The following SNTB2 variants were observed in gnomAD, a reference collection of about 807,000 sequenced individuals.
SNTB2 encodes beta-2-syntrophin.
A neutral mutation model predicts 46.2 loss-of-function variants in SNTB2; 34 were observed. That is an observed-to-expected ratio of 0.74 (90% CI 0.56 to 0.98). SNTB2 has a LOEUF of 0.98. Ranked by LOEUF, SNTB2 falls within the 50% of genes least tolerant of loss-of-function variation. SNTB2 has a pLI of 0.00. For synonymous variants in SNTB2, 290 were observed against 312.6 expected (o/e 0.93, Z 0.76); for missense variants, 603 against 731.4 (o/e 0.82, Z 2.02).
intron 1 of SNTB2, among the ~76,000 whole-genome samples, chr16:69,232,540 T>C (rs1470113922): frequency 1.1e-4 from 12 of 107,964 alleles, no homozygotes; most frequent in Non-Finnish European, 2.0e-4. Context: ...GGAGACGGAG[T>C]CTCGCTCTGT....
At chr16:69,200,946 T>C (rs192725292) in intron 1 of SNTB2, among the ~76,000 whole-genome samples, 39 of 152,382 alleles carry the variant, frequency 2.6e-4, no homozygotes, top group Admixed American at 4.6e-4. Context: ...AGAAGACTGC[T>C]CTGTAACTTT....
At position 69,187,207 on chromosome 16, in the gene SNTB2, C is replaced by A. The variant is rs576544227; in HGVS notation, c.41C>A (p.Pro14Gln). Residue 14 changes from proline (P) to glutamine (Q), a missense_variant, in exon 1 of 7, where the codon CCG becomes CAG. By Grantham distance (76) the Pro-to-Gln change is moderately conservative. Transcript: ENST00000336278. ...GCGACTGCGGCGGCTGGAGCGGGGC[C>A]GGCCATGGCGGTGTGGACGCGGGCC... ...AAATAAAGAG[P>Q]AMAVWTRATK... 5 of 1,407,208 alleles carry A rather than the reference C, an allele frequency of 3.6e-6. No individual in the cohort carries two copies. The African/African-American group carries it at 4.4e-5, about 12-fold the overall frequency. The allele number at this position is 1,407,208 out of a possible 1,614,324, so 87.2% of individuals were successfully genotyped here. A position where few individuals can be genotyped will look rare whatever the true frequency, so the allele number is the denominator to read the frequency against.
At chr16:69,295,242 T>C (rs1431600375) in intron 5 of SNTB2, among the ~76,000 whole-genome samples, 5 of 135,276 alleles carry the variant, frequency 3.7e-5, no homozygotes, top group Non-Finnish European at 8.0e-5. Context: ...TTTTTTTTTT[T>C]TTTTTTTTTT....
At chr16:69,282,052 C>T (rs1370948967) in intron 4 of SNTB2, among the ~76,000 whole-genome samples, 1 of 149,814 alleles carries the variant, frequency 6.7e-6, no homozygotes, top group Admixed American at 6.6e-5. Flanking sequence ...ATTACAGGCG[C>T]CCACCACCAT....
In SNTB2 at chr16:69,237,754, C is replaced by A. The variant is rs930809933; in HGVS notation, c.581-7848C>A. On this transcript the variant is annotated intron_variant, in intron 1 of 6. Transcript: ENST00000336278. ...AGTAGCTGGGATTACAGGCATGTGC[C>A]ACCATGCCTGGCTAATTTTGTATTT... Among the ~76,000 whole-genome samples, 11 of 152,120 alleles carry A rather than the reference C, an allele frequency of 7.2e-5. No individual in the cohort carries two copies. In the East Asian group the frequency reaches 7.7e-4, roughly 11 times the overall value.
intron 4 of SNTB2, among the ~76,000 whole-genome samples, chr16:69,281,129 G>C (rs745981950): frequency 1.3e-5 from 2 of 152,000 alleles, no homozygotes; most frequent in East Asian, 3.9e-4. Flanking sequence ...CAGATCAGAA[G>C]TTTTTAATTT....
intron 1 of SNTB2, among the ~76,000 whole-genome samples, chr16:69,242,144 C>CA (rs1224024857): frequency 1.1e-4 from 16 of 152,014 alleles, no homozygotes; most frequent in Non-Finnish European, 2.1e-4. Flanking sequence ...GTTTGAGCAA[C>CA]AGGCTGGGTG....
intron 5 of SNTB2, among the ~76,000 whole-genome samples, chr16:69,291,774 T>A (rs1167865203): frequency 6.6e-6 from 1 of 151,996 alleles, no homozygotes; most frequent in East Asian, 1.9e-4. Context: ...CGCGTCTCTA[T>A]GAAAAATTTT....
At chr16:69,292,410 TA>T (rs1965177806) in intron 5 of SNTB2, among the ~76,000 whole-genome samples, 2 of 17,382 alleles carry the variant, frequency 1.2e-4, no homozygotes, top group Admixed American at 8.7e-4. Flanking sequence ...ATATATATTA[TA>T]TATATATTAT....
In SNTB2 at chr16:69,292,399, TA is replaced by T. The variant is rs1472203885; in HGVS notation, c.1346-7190del. ...ATATATTATATATATATTATATATA[TA>T]TATATATTATATATATATTATATAT... On this transcript the variant is annotated intron_variant, in intron 5 of 6. Coordinates refer to ENST00000336278, the MANE Select transcript of SNTB2 (RefSeq NM_006750.4). 2.7e-4 allele frequency among the ~76,000 whole-genome samples: 7 copies of T among 25,490 alleles called. 1 individual carries two copies. Among genetic ancestry groups the T allele is most frequent in the African/African-American group, 2.4e-3 (6 of 2,488 alleles). 16.7% of individuals were successfully genotyped at this position (25,490 alleles called of 152,430 possible).
At chr16:69,294,427 A>G (rs543825624) in intron 5 of SNTB2, among the ~76,000 whole-genome samples, 1 of 152,256 alleles carries the variant, frequency 6.6e-6, no homozygotes, top group East Asian at 1.9e-4. Flanking sequence ...TCTTATCACT[A>G]TAAAGGATTT....
chr16:69,224,544 T>G (rs1488619613), intron 1 of SNTB2, among the ~76,000 whole-genome samples: 2 of 152,202 alleles, frequency 1.3e-5, no homozygotes, highest in Non-Finnish European at 2.9e-5. Context: ...TATGGTGAGA[T>G]TATGCAAACA....
rs1221344467 is a variant in SNTB2 at position 69,187,710 on chromosome 16, G to T, written c.544G>T (p.Ala182Ser). The T allele has an allele frequency of 3.7e-5, 57 of 1,529,070 alleles. No individual in the cohort carries two copies. The highest frequency in any genetic ancestry group is 4.9e-5 in the Non-Finnish European group (56 of 1,148,360). 94.7% of individuals were successfully genotyped at this position (1,529,070 alleles called of 1,614,324 possible). A position where few individuals can be genotyped will look rare whatever the true frequency, so the allele number is the denominator to read the frequency against. Residue 182 changes from alanine (A) to serine (S), a missense_variant, in exon 1 of 7, where the codon GCG becomes TCG. Around this residue, in one of 2 missense-constraint regions of SNTB2, gnomAD observed 537 missense variants for 692.4 expected, o/e 0.78. Transcript: ENST00000336278. ...GGCCACCCACGACCAGGCCGTGCAG[G>T]CGCTGAAGCGCGCGGGCAAGGAGGT... ...RQATHDQAVQ[A>S]LKRAGKEVLL...
intron 1 of SNTB2, among the ~76,000 whole-genome samples, chr16:69,197,634 G>C (rs1964117643): frequency 6.6e-6 from 1 of 151,556 alleles, no homozygotes; most frequent in Admixed American, 6.6e-5. Context: ...TTTTACTTTT[G>C]GAAAACACCA....
chr16:69,215,445 C>T (rs912870306), intron 1 of SNTB2, among the ~76,000 whole-genome samples: 3 of 152,098 alleles, frequency 2.0e-5, no homozygotes, highest in East Asian at 3.8e-4. Context: ...ATGGTTCATA[C>T]GTGTATGTTC....
chr16:69,273,959 C>T (rs1359659034), intron 4 of SNTB2, among the ~76,000 whole-genome samples: 3 of 152,056 alleles, frequency 2.0e-5, no homozygotes, highest in Non-Finnish European at 4.4e-5. Flanking sequence ...GTGTTAGCTG[C>T]TTTAATTATA....
chr16:69,276,340 G>T (rs1013928059), intron 4 of SNTB2, among the ~76,000 whole-genome samples: 2 of 152,214 alleles, frequency 1.3e-5, no homozygotes, highest in Non-Finnish European at 2.9e-5. Flanking sequence ...GGGCCTTTTA[G>T]CAGTGTTCCC....
chr16:69,255,903 T>C (rs887571512), intron 2 of SNTB2, among the ~76,000 whole-genome samples: 8 of 139,714 alleles, frequency 5.7e-5, no homozygotes, highest in African/African-American at 1.9e-4. Flanking sequence ...TTGGTTGGGG[T>C]GGGGGGCGAC....
chr16:69,193,891 CTG>C (rs1964080617), intron 1 of SNTB2, among the ~76,000 whole-genome samples: 1 of 152,206 alleles, frequency 6.6e-6, no homozygotes, highest in Admixed American at 6.5e-5. Context: ...TGCAGTTTCT[CTG>C]TTTCTCTCTG....
Sources: gnomAD v4.1 joint callset for allele counts (sites outside exome capture counted in the v4.1 genomes callset) on GRCh38, gnomAD v4.1.1 for gene constraint, gnomAD v4.1.1 regional missense constraint, MANE v1.5 for transcripts, NCBI Gene and HGNC (gene_info 2026-07-23, HGNC 2026-07-21) for gene names.